Variants in ANXA8 observed in about 807,000 individuals in gnomAD.
ANXA8 encodes annexin A8, also known as VAC-beta.
In ANXA8, 9 loss-of-function variants were observed where a neutral mutation model predicts 26.8. The observed-to-expected ratio is 0.34, with a 90% CI of 0.20 to 0.59. The LOEUF (loss-of-function observed/expected upper bound fraction) is 0.59. Among genes scored for constraint, ANXA8 ranks in the 20% least tolerant of loss-of-function variants. ANXA8 has a pLI of 0.84. For missense variants in ANXA8, 83 were observed against 238.5 expected (o/e 0.35, Z 4.29); for synonymous variants, 39 against 94.8 (o/e 0.41, Z 3.42).
At chr10:47,628,655 G>A in the ANXA8 span, among the ~76,000 whole-genome samples, 3 of 148,914 alleles carry the variant, frequency 2.0e-5, no homozygotes, top group East Asian at 3.9e-4. Context: ...AATGCTATAG[G>A]CTCACAGTTT....
chr10:47,763,826 T>G, the ANXA8 span, among the ~76,000 whole-genome samples: 1 of 145,294 alleles, frequency 6.9e-6, no homozygotes, highest in Non-Finnish European at 1.5e-5. Context: ...GGAGTGCGTG[T>G]TTTGGGGGGA....
the ANXA8 span, among the ~76,000 whole-genome samples, chr10:47,693,604 A>G: frequency 6.6e-6 from 1 of 151,902 alleles, no homozygotes; most frequent in Non-Finnish European, 1.5e-5. Flanking sequence ...ACAATCTTTT[A>G]TAAAGAGGTA....
chr10:47,648,831 G>A, the ANXA8 span, among the ~76,000 whole-genome samples: 1 of 37,142 alleles, frequency 2.7e-5, no homozygotes, highest in African/African-American at 1.6e-4. Context: ...AAGTTACAAT[G>A]AGAAATTTCT....
the ANXA8 span, among the ~76,000 whole-genome samples, chr10:47,585,034 AGT>A: frequency 6.8e-6 from 1 of 147,398 alleles, no homozygotes; most frequent in Non-Finnish European, 1.5e-5. Context: ...AGTTGCAGTG[AGT>A]GAGATGGCAC....
At chr10:47,671,473 A>G in the ANXA8 span, among the ~76,000 whole-genome samples, 2 of 152,004 alleles carry the variant, frequency 1.3e-5, no homozygotes, top group African/African-American at 2.4e-5. Context: ...ATATTTCTGC[A>G]TTAAGTGGGG....
At chr10:47,484,196 A>T (rs2996810), upstream of ANXA8, 7,084 of 767,550 alleles carry the variant, frequency 9.2e-3, 100 homozygotes, top group South Asian at 0.047. Flanking sequence ...TACACAACTC[A>T]CTGGCAGATA....
chr10:47,705,959 G>C, the ANXA8 span, among the ~76,000 whole-genome samples: 1 of 150,846 alleles, frequency 6.6e-6, no homozygotes, highest in African/African-American at 2.4e-5. Context: ...GCCACGGCGC[G>C]AAGAGGGGCG....
chr10:47,710,207 T>G, the ANXA8 span: 2 of 1,439,214 alleles, frequency 1.4e-6, no homozygotes, highest in South Asian at 1.4e-5. Flanking sequence ...TGTATGCATG[T>G]TTTTTTTCCT....
the ANXA8 span, among the ~76,000 whole-genome samples, chr10:47,514,274 T>G: frequency 6.7e-6 from 1 of 150,262 alleles, no homozygotes; most frequent in Non-Finnish European, 1.5e-5. Context: ...ATATGAGGAA[T>G]ACCACCTCAG....
the ANXA8 span, among the ~76,000 whole-genome samples, chr10:47,970,784 T>G: frequency 6.6e-6 from 1 of 151,388 alleles, no homozygotes; most frequent in African/African-American, 2.4e-5. Context: ...CCTTATATTC[T>G]GGGACCGTAA....
chr10:47,561,660 AT>A, the ANXA8 span, among the ~76,000 whole-genome samples: 1 of 151,836 alleles, frequency 6.6e-6, no homozygotes, highest in Non-Finnish European at 1.5e-5. Context: ...AAGAGTCAGA[AT>A]ATTCGTATAT....
At chr10:47,491,565 C>T in the ANXA8 span, 1 of 1,487,188 alleles carries the variant, frequency 6.7e-7, no homozygotes. Flanking sequence ...GCCCCAGATC[C>T]CCCCAGCCCA....
At chr10:47,759,952 GCAGGC>G in the ANXA8 span, 2 of 1,430,678 alleles carry the variant, frequency 1.4e-6, no homozygotes, top group Non-Finnish European at 1.9e-6. Context: ...GGGAGGGCTG[GCAGGC>G]CAGAGGAAGG....
the ANXA8 span, among the ~76,000 whole-genome samples, chr10:47,659,870 C>A: frequency 1.3e-5 from 2 of 151,474 alleles, no homozygotes; most frequent in Admixed American, 6.6e-5. Context: ...GATTCTCCCA[C>A]CTGAGCCACC....
chr10:47,943,666 G>A, the ANXA8 span, among the ~76,000 whole-genome samples: 2 of 151,710 alleles, frequency 1.3e-5, no homozygotes, highest in Non-Finnish European at 2.9e-5. Context: ...CTACAGGTGG[G>A]GCATTGGAAG....
the ANXA8 span, among the ~76,000 whole-genome samples, chr10:47,609,487 G>A: frequency 1.2e-5 from 1 of 84,412 alleles, no homozygotes; most frequent in Non-Finnish European, 2.2e-5. Context: ...GGTCACACTA[G>A]GGTGTTTGGG....
the ANXA8 span, among the ~76,000 whole-genome samples, chr10:47,672,162 A>G: frequency 1.3e-5 from 2 of 150,380 alleles, no homozygotes; most frequent in East Asian, 3.9e-4. Context: ...GTCATTTTCA[A>G]AAAAAGATGA....
the ANXA8 span, among the ~76,000 whole-genome samples, chr10:47,518,960 G>A: frequency 8.3e-6 from 1 of 119,818 alleles, no homozygotes; most frequent in African/African-American, 3.4e-5. Context: ...TGCTCTCTAG[G>A]TGTGAGAAGC....
the ANXA8 span, chr10:47,502,410 C>T: frequency 1.9e-6 from 3 of 1,610,810 alleles, no homozygotes; most frequent in Non-Finnish European, 2.5e-6. Context: ...GAAAGAGCTT[C>T]TCCTCATATT....
Sources: gnomAD v4.1 joint callset for allele counts (sites outside exome capture counted in the v4.1 genomes callset) on GRCh38, gnomAD v4.1.1 for gene constraint, MANE v1.5 for transcripts, NCBI Gene and HGNC (gene_info 2026-07-23, HGNC 2026-07-21) for gene names.